Variants in MICU1 observed in about 807,000 individuals in gnomAD.
The protein encoded by MICU1 is mitochondrial calcium uptake 1, also known as calcium uptake protein 1, mitochondrial.
MICU1 carries 45 observed loss-of-function variants against 56.8 expected under a neutral mutation model. The observed-to-expected ratio is 0.79, with a 90% confidence interval of 0.62 to 1.02. MICU1 has a LOEUF of 1.02. Among genes scored for constraint, MICU1 ranks in the 50% least tolerant of loss-of-function variants. MICU1 has a pLI of 0.00. For synonymous variants in MICU1, 186 were observed against 195.1 expected (o/e 0.95, Z 0.39); for missense variants, 504 against 587.1 (o/e 0.86, Z 1.46).
At chr10:72,603,412 A>C (rs1268112128) in intron 1 of MICU1, among the ~76,000 whole-genome samples, 1 of 151,602 alleles carries the variant, frequency 6.6e-6, no homozygotes, top group Non-Finnish European at 1.5e-5. Context: ...ATACATAAAT[A>C]AATAAGTTTA....
intron 1 of MICU1, among the ~76,000 whole-genome samples, chr10:72,602,255 A>G (rs1160146761): frequency 6.7e-6 from 1 of 149,456 alleles, no homozygotes; most frequent in African/African-American, 2.5e-5. Flanking sequence ...GTTCAAGACC[A>G]GCCTGGCCAA....
rs1401871323 is a variant in MICU1, at chr10:72,368,188, T to C, written c.*7A>G. 2 of 1,609,322 alleles carry C rather than the reference T, an allele frequency of 1.2e-6. No homozygotes were observed. Among genetic ancestry groups the C allele is most frequent in the Admixed American group, 1.7e-5 (1 of 59,762 alleles). The stretch of plus-strand genomic sequence containing the variant: ...GGGGTGGAGGGGTCCCCTCTTGCAG[T>C]GTGGGGTTACTGTTTGGGTAAAGCG... On this transcript the variant is annotated 3_prime_UTR_variant, in exon 12 of 12. Transcript: ENST00000361114.
chr10:72,546,930 C>T lies in MICU1; in HGVS notation c.493+4249G>A, dbSNP rs545901081. 1.1e-3 allele frequency among the ~76,000 whole-genome samples: 165 copies of T among 148,232 alleles called. 2 individuals are homozygous for T. The highest frequency in any genetic ancestry group is 0.011 in the Middle Eastern group (3 of 280). On this transcript the variant is annotated intron_variant, in intron 4 of 11. Transcript: ENST00000361114. ...TTTTTGAGATGGAGTCTCGCTCTGT[C>T]GCCCAGGCTGGACTGCAGTGGTGCA...
intron 8 of MICU1, among the ~76,000 whole-genome samples, chr10:72,473,598 A>G (rs1236591548): frequency 3.3e-5 from 5 of 152,106 alleles, no homozygotes; most frequent in Non-Finnish European, 5.9e-5. Context: ...GACTGGGACC[A>G]TTTAGACACT....
chr10:72,405,089 G>C (rs974191068), intron 10 of MICU1, among the ~76,000 whole-genome samples: 1 of 151,844 alleles, frequency 6.6e-6, no homozygotes, highest in Admixed American at 6.6e-5. Context: ...GTTATTTTTA[G>C]TTACAGATGG....
intron 1 of MICU1, among the ~76,000 whole-genome samples, chr10:72,585,243 T>C (rs1444247754): frequency 2.0e-5 from 3 of 151,346 alleles, no homozygotes; most frequent in Admixed American, 6.6e-5. Flanking sequence ...CCCACCACCA[T>C]GCCCAGCTAA....
At chr10:72,465,981 A>G (rs1865784629) in intron 8 of MICU1, among the ~76,000 whole-genome samples, 1 of 152,144 alleles carries the variant, frequency 6.6e-6, no homozygotes, top group Admixed American at 6.5e-5. Flanking sequence ...CTTACCATAG[A>G]TCTTAGCAAC....
At chr10:72,457,986 T>C (rs913212444) in intron 8 of MICU1, among the ~76,000 whole-genome samples, 1 of 151,930 alleles carries the variant, frequency 6.6e-6, no homozygotes, top group African/African-American at 2.4e-5. Flanking sequence ...CTGGCCAACA[T>C]GGTAAAACCC....
At chr10:72,507,075 C>T (rs777944136) in intron 6 of MICU1, among the ~76,000 whole-genome samples, 4 of 151,852 alleles carry the variant, frequency 2.6e-5, no homozygotes, top group African/African-American at 9.7e-5. Flanking sequence ...TTATTAAAAA[C>T]TATCTTCTAG....
Position 72,470,934 on chromosome 10 carries a change from G to A in MICU1, c.933+4166C>T, listed in dbSNP as rs116895986. 6.0e-3 allele frequency among the ~76,000 whole-genome samples: 920 copies of A among 152,304 alleles called. 9 individuals are homozygous for A. Among genetic ancestry groups the A allele is most frequent in the Non-Finnish European group, 9.6e-3 (650 of 68,040 alleles). ...AGCCTACAGATAGTTCCACATGAAT[G>A]TCAAACAAAAGAGAGCCTTCTAGAG... On this transcript the variant is annotated intron_variant, in intron 8 of 11. Coordinates refer to ENST00000361114, the MANE Select transcript of MICU1 (RefSeq NM_001195518.2).
chr10:72,479,403 AAGTTGATC>A (rs1351896274), intron 6 of MICU1, among the ~76,000 whole-genome samples: 1 of 152,244 alleles, frequency 6.6e-6, no homozygotes, highest in African/African-American at 2.4e-5. Context: ...TGAACATTCC[AAGTTGATC>A]ATCTCAAGGA....
At chr10:72,507,068 T>C (rs1867277071) in intron 6 of MICU1, among the ~76,000 whole-genome samples, 1 of 152,098 alleles carries the variant, frequency 6.6e-6, no homozygotes, top group African/African-American at 2.4e-5. Flanking sequence ...ATGCCACTTA[T>C]TAAAAACTAT....
At chr10:72,381,217 T>G (rs1188425776) in intron 10 of MICU1, among the ~76,000 whole-genome samples, 1 of 152,168 alleles carries the variant, frequency 6.6e-6, no homozygotes, top group East Asian at 1.9e-4. Flanking sequence ...CTCTAAGCTG[T>G]GTGGCCATGT....
chr10:72,395,538 C>G (rs943599589), intron 10 of MICU1, among the ~76,000 whole-genome samples: 3 of 152,190 alleles, frequency 2.0e-5, no homozygotes, highest in African/African-American at 7.2e-5. Context: ...CCAAGGGAAG[C>G]CATGACAGAC....
At chr10:72,585,461 G>A (rs1011774787) in intron 1 of MICU1, among the ~76,000 whole-genome samples, 15 of 151,954 alleles carry the variant, frequency 9.9e-5, no homozygotes, top group African/African-American at 3.6e-4. Flanking sequence ...TTGGGAGGCC[G>A]AGGCAGGCAG....
intron 1 of MICU1, among the ~76,000 whole-genome samples, chr10:72,592,151 A>G (rs969223427): frequency 6.6e-6 from 1 of 151,592 alleles, no homozygotes; most frequent in African/African-American, 2.4e-5. Flanking sequence ...CTGGGATTAC[A>G]GGCACCTGCC....
chr10:72,601,865 T>C (rs1387580360), intron 1 of MICU1, among the ~76,000 whole-genome samples: 1 of 151,402 alleles, frequency 6.6e-6, no homozygotes, highest in Non-Finnish European at 1.5e-5. Context: ...AGTAGCATGA[T>C]CTCAGCTCAC....
chr10:72,414,706 C>A (rs952266659), intron 9 of MICU1, among the ~76,000 whole-genome samples: 1 of 152,076 alleles, frequency 6.6e-6, no homozygotes, highest in African/African-American at 2.4e-5. Flanking sequence ...ATAAATTATA[C>A]CTCAAAAAAA....
At chr10:72,550,692 T>G (rs1840014186) in intron 4 of MICU1, among the ~76,000 whole-genome samples, 1 of 152,246 alleles carries the variant, frequency 6.6e-6, no homozygotes, top group Non-Finnish European at 1.5e-5. Context: ...CATAGGTGTT[T>G]ATAACTATAA....
Sources: gnomAD v4.1 joint callset for allele counts (sites outside exome capture counted in the v4.1 genomes callset) on GRCh38, gnomAD v4.1.1 for gene constraint, MANE v1.5 for transcripts, NCBI Gene and HGNC (gene_info 2026-07-23, HGNC 2026-07-21) for gene names.